Variants in CPAMD8 observed in about 807,000 individuals in gnomAD.
CPAMD8 encodes the protein C3 and PZP-like alpha-2-macroglobulin domain-containing protein 8.
Under a neutral mutation model 224.7 loss-of-function variants are expected in CPAMD8, and 146 were observed. That is an observed-to-expected ratio of 0.65 (90% CI 0.57 to 0.75). CPAMD8 has a LOEUF of 0.75. Ranked by LOEUF, CPAMD8 falls within the 30% of genes least tolerant of loss-of-function variation. The pLI is 0.00. For missense variants in CPAMD8, 2,301 were observed against 2,537.5 expected, an observed-to-expected ratio of 0.91 and a Z score of 2.00; for synonymous variants, 966 against 1,044.6, an observed-to-expected ratio of 0.92 and a Z score of 1.45.
rs371588618 is a variant in CPAMD8, at chr19:16,928,087, T to A, written c.3292A>T (p.Ser1098Cys). ...RIWRKMEVDE[S>C]YSEAFTLGVP... ...CCCAGGGTGAAGGCCTCGCTGTAGC[T>A]CTCGTCCACCTCCATCTTCCTCCAG... is the stretch of plus-strand genomic sequence containing the variant. Residue 1098 changes from serine (S) to cysteine (C), a missense_variant, in exon 25 of 42, where the codon AGC becomes TGC. Physicochemically the swap from Ser to Cys is moderately radical, Grantham distance 112. Around this residue, in one of 4 missense-constraint regions of CPAMD8, gnomAD observed 1,709 missense variants for 1,753.2 expected, o/e 0.97. Coordinates refer to ENST00000443236, the MANE Select transcript of CPAMD8 (RefSeq NM_015692.5). The A allele has an allele frequency of 3.3e-5, 54 of 1,613,866 alleles. No homozygotes were observed. Among genetic ancestry groups the A allele is most frequent in the Non-Finnish European group, 4.3e-5 (51 of 1,180,012 alleles).
At chr19:16,962,576 T>C (rs538185456) in intron 18 of CPAMD8, among the ~76,000 whole-genome samples, 17 of 152,298 alleles carry the variant, frequency 1.1e-4, no homozygotes, top group African/African-American at 3.8e-4. Flanking sequence ...TTGGTGTACC[T>C]GAAAGTGATG....
intron 21 of CPAMD8, among the ~76,000 whole-genome samples, chr19:16,946,171 T>C (rs1032831356): frequency 2.4e-4 from 29 of 121,952 alleles, no homozygotes; most frequent in Non-Finnish European, 4.6e-4. Context: ...TGTGTGTGTG[T>C]ATGATTTGTG....
intron 17 of CPAMD8, among the ~76,000 whole-genome samples, chr19:16,971,559 C>T (rs1017989280): frequency 1.3e-5 from 2 of 151,994 alleles, no homozygotes; most frequent in African/African-American, 2.4e-5. Context: ...AGACAGAAAG[C>T]AGATCAACTG....
chr19:16,988,870 C>T (rs1026115326), intron 13 of CPAMD8, among the ~76,000 whole-genome samples: 4 of 152,140 alleles, frequency 2.6e-5, no homozygotes, highest in Admixed American at 6.5e-5. Flanking sequence ...GCTCGCATCA[C>T]TCATATTACC....
chr19:16,929,275 G>A lies in CPAMD8; in HGVS notation c.2846-35C>T, dbSNP rs769799473. On this transcript the variant is annotated intron_variant, in intron 23 of 41. Coordinates refer to ENST00000443236, the MANE Select transcript of CPAMD8 (RefSeq NM_015692.5). ...GGAAAGGAGATGGGGAGTTGAGAGG[G>A]CACCTGGAGGCATCCCACTTTCCCT... 5 of 1,526,234 alleles carry A rather than the reference G, an allele frequency of 3.3e-6. No individual in the cohort carries two copies. The African/African-American group carries it at 6.8e-5, about 21-fold the overall frequency. The allele number at this position is 1,526,234 out of a possible 1,614,324, so 94.5% of individuals were successfully genotyped here. A position where few individuals can be genotyped will look rare whatever the true frequency, so the allele number is the denominator to read the frequency against.
chr19:16,903,441 G>C (rs965456656), intron 34 of CPAMD8, 120 bp downstream of exon 34: 1 of 1,445,364 alleles, frequency 6.9e-7, no homozygotes, highest in African/African-American at 1.4e-5. Flanking sequence ...CTGTCCTGCA[G>C]TCTGGCATGC....
Position 16,901,257 on chromosome 19 carries a change from C to G in CPAMD8, c.4726G>C (p.Val1576Leu), listed in dbSNP as rs1162296358. 2 of 1,612,862 alleles carry G rather than the reference C, an allele frequency of 1.2e-6. No homozygotes were observed. The highest frequency in any genetic ancestry group is 3.3e-5 in the Admixed American group (2 of 59,918). Reference protein sequence around the residue: ...AGSSNMAVLEVPLLSGFRADI... With the variant: ...AGSSNMAVLELPLLSGFRADI... ...GCCCGGAAGCCTGACAGCAGGGGCA[C>G]CTCCAGGACAGCCATATTGGAAGAC... Residue 1576 changes from valine to leucine, a missense_variant, in exon 36 of 42, where the codon GTG becomes CTG. Physicochemically the swap from Val to Leu is conservative, Grantham distance 32 (BLOSUM62 1). Around this residue, in one of 4 missense-constraint regions of CPAMD8, gnomAD observed 1,709 missense variants for 1,753.2 expected, o/e 0.97. Transcript: ENST00000443236.
rs375581313 is a variant in CPAMD8 at position 16,927,036 on chromosome 19, G to C, written c.3370+973C>G. Among the ~76,000 whole-genome samples, 15 of 152,056 alleles carry C rather than the reference G, an allele frequency of 9.9e-5. No individual in the cohort carries two copies. In the South Asian group the frequency reaches 1.0e-3, roughly 11 times the overall value. On this transcript the variant is annotated intron_variant, in intron 25 of 41. Transcript: ENST00000443236. ...TCTCACCCTCTCCTCCCTGACTCAG[G>C]CCCATCCCAAACTCTCACCACCCTT...
intron 13 of CPAMD8, among the ~76,000 whole-genome samples, chr19:16,984,329 AAAGAGAG>A (rs1045486561): frequency 8.5e-5 from 12 of 141,550 alleles, no homozygotes; most frequent in African/African-American, 1.2e-4. Context: ...AAAAAAAAAA[AAAGAGAG>A]AGAGAGAGAG....
At chr19:16,929,446 T>C (rs2053481179) in intron 23 of CPAMD8, among the ~76,000 whole-genome samples, 2 of 152,298 alleles carry the variant, frequency 1.3e-5, no homozygotes, top group South Asian at 2.1e-4. Context: ...AGCTGACACC[T>C]GTAATCCCAG....
intron 30 of CPAMD8, among the ~76,000 whole-genome samples, chr19:16,906,395 T>TTTCTTTCTTTCTTTCTTTCC: frequency 1.2e-5 from 1 of 80,208 alleles, no homozygotes; most frequent in East Asian, 2.7e-4. Flanking sequence ...TCTTTCTTTC[T>TTTCTTTCTTTCTTTCTTTCC]TTCTTTCTTT....
intron 23 of CPAMD8, among the ~76,000 whole-genome samples, chr19:16,931,600 A>G (rs988038868): frequency 1.3e-5 from 2 of 152,208 alleles, no homozygotes; most frequent in Non-Finnish European, 2.9e-5. Context: ...CACTACTGGC[A>G]TTCAAGCTAG....
In CPAMD8 at chr19:16,921,888, G is replaced by A; in HGVS notation, c.3629+17C>T. 2 of 1,525,612 alleles carry A rather than the reference G, an allele frequency of 1.3e-6. No homozygotes were observed. Among genetic ancestry groups the A allele is most frequent in the East Asian group, 2.4e-5 (1 of 40,818 alleles). 94.5% of individuals were successfully genotyped at this position (1,525,612 alleles called of 1,614,324 possible). On this transcript the variant is annotated intron_variant, in intron 27 of 41. Transcript: ENST00000443236. The stretch of plus-strand genomic sequence containing the variant: ...CGGGGAGCCTCAGAGGCAATGCCCA[G>A]GGCGGTGGGGACTCACCACATGCTC...
At chr19:16,945,814 T>C in intron 21 of CPAMD8, 135 bp from the exon 22 acceptor site, 2 of 802,030 alleles carry the variant, frequency 2.5e-6, no homozygotes, top group Admixed American at 1.9e-5. Flanking sequence ...TATATGCAGA[T>C]GTGTGCATGC....
At position 17,011,971 on chromosome 19, in the gene CPAMD8, G is replaced by GCTCAACA. The variant is rs1049162411; in HGVS notation, c.268-221_268-215dup. Among the ~76,000 whole-genome samples, 55 of 152,278 alleles carry GCTCAACA rather than the reference G, an allele frequency of 3.6e-4. 1 individual carries two copies. Among genetic ancestry groups the GCTCAACA allele is most frequent in the Admixed American group, 3.2e-3 (49 of 15,272 alleles). On this transcript the variant is annotated intron_variant, in intron 3 of 41. Coordinates refer to ENST00000443236, the MANE Select transcript of CPAMD8 (RefSeq NM_015692.5). ...CACTTGAGAGGGGAATAGAGAGGCT[G>GCTCAACA]CTCAACATCTTACAGAGCACAGGAC... is the stretch of plus-strand genomic sequence containing the variant.
At chr19:16,893,714 G>T in intron 41 of CPAMD8, 1 of 202,494 alleles carries the variant, frequency 4.9e-6, no homozygotes, top group Admixed American at 5.4e-5. Context: ...CTGGGCACGA[G>T]GACATCAGGA....
chr19:16,940,022 C>T (rs969499715), intron 22 of CPAMD8, among the ~76,000 whole-genome samples: 4 of 152,138 alleles, frequency 2.6e-5, no homozygotes, highest in African/African-American at 9.6e-5. Flanking sequence ...AAATGATCTT[C>T]CTGCCTCAGC....
Position 16,928,219 on chromosome 19 carries a change from C to A in CPAMD8, c.3160G>T (p.Glu1054Ter). Residue 1054 changes from glutamate (E) to a stop codon, truncating the protein, a stop_gained, in exon 25 of 42, where the codon GAG (glutamate) becomes TAG (stop). Transcript: ENST00000443236. LOFTEE classifies it high-confidence loss of function. ...ACAATGACAGACTCATTGGATGGCTCTGGACCATGGCCAACCTGGAAAAAG... is the reference window on the plus strand; with the variant it reads ...ACAATGACAGACTCATTGGATGGCTATGGACCATGGCCAACCTGGAAAAAG... The part of the protein sequence containing the change: ...GGLIQVGHGP[E>*]PSNESVIVAW... 3.1e-6 allele frequency: 5 copies of A among 1,612,316 alleles called. No homozygotes were observed. Among genetic ancestry groups the A allele is most frequent in the African/African-American group, 1.3e-5 (1 of 75,046 alleles).
At chr19:16,895,884 T>TGCGC (rs759736085) in intron 41 of CPAMD8, 25 of 528,426 alleles carry the variant, frequency 4.7e-5, no homozygotes, top group African/African-American at 3.2e-4. Flanking sequence ...TTGACCCGTA[T>TGCGC]GCGCGCGCGC....
Sources: gnomAD v4.1 joint callset for allele counts (sites outside exome capture counted in the v4.1 genomes callset) on GRCh38, gnomAD v4.1.1 for gene constraint, gnomAD v4.1.1 regional missense constraint, MANE v1.5 for transcripts, NCBI Gene and HGNC (gene_info 2026-07-23, HGNC 2026-07-21) for gene names.